Variants in CEP128 observed in about 807,000 individuals in gnomAD.
CEP128 encodes the protein centrosomal protein 128kDa.
In CEP128, 132 loss-of-function variants were observed where a neutral mutation model predicts 156.7. The observed-to-expected ratio is 0.84, with a 90% CI of 0.73 to 0.97. The LOEUF is 0.97. Ranked by LOEUF, CEP128 falls within the 50% of genes least tolerant of loss-of-function variation. CEP128 has a pLI of 0.00. For synonymous variants in CEP128, 469 were observed against 448.9 expected, an observed-to-expected ratio of 1.04 and a Z score of -0.57; for missense variants, 1,252 against 1,281.9, an observed-to-expected ratio of 0.98 and a Z score of 0.36.
At chr14:80,655,258 CTATTTA>C (rs1445026787) in intron 19 of CEP128, among the ~76,000 whole-genome samples, 7 of 152,152 alleles carry the variant, frequency 4.6e-5, no homozygotes, top group African/African-American at 1.7e-4. Flanking sequence ...CCATCCCTAT[CTATTTA>C]TATCTATCCA....
intron 2 of CEP128, among the ~76,000 whole-genome samples, chr14:80,921,374 GC>G (rs112933477): frequency 1.3e-5 from 2 of 152,174 alleles, no homozygotes; most frequent in African/African-American, 2.4e-5. Context: ...AGTATGCTTG[GC>G]CCCCTCACCA....
intron 19 of CEP128, among the ~76,000 whole-genome samples, chr14:80,724,930 T>C (rs1433585988): frequency 6.9e-6 from 1 of 145,420 alleles, no homozygotes; most frequent in Non-Finnish European, 1.5e-5. Flanking sequence ...ATTGGGCACC[T>C]ACTATATATA....
intron 23 of CEP128, among the ~76,000 whole-genome samples, chr14:80,516,224 T>TTC (rs1888481922): frequency 6.6e-6 from 1 of 152,042 alleles, no homozygotes; most frequent in South Asian, 2.1e-4. Context: ...ACAAAGAGGG[T>TTC]TCTCTTCTGA....
intron 13 of CEP128, among the ~76,000 whole-genome samples, chr14:80,818,272 A>G (rs1595450082): frequency 6.6e-6 from 1 of 151,834 alleles, no homozygotes; most frequent in African/African-American, 2.4e-5. Flanking sequence ...TCCCACCTCC[A>G]CCTCCCAAAG....
At chr14:80,562,933 G>A (rs1029984540) in intron 20 of CEP128, among the ~76,000 whole-genome samples, 4 of 151,526 alleles carry the variant, frequency 2.6e-5, no homozygotes, top group Non-Finnish European at 4.4e-5. Flanking sequence ...CCAAATGCTG[G>A]GATTACAGGC....
chr14:80,906,025 T>G lies in CEP128; in HGVS notation c.291A>C (p.Arg97Ser). The G allele has an allele frequency of 6.2e-7, 1 of 1,612,862 alleles. No individual in the cohort carries two copies. The highest frequency in any genetic ancestry group is 8.5e-7 in the Non-Finnish European group (1 of 1,179,414). ...IDQLRSQRLLRNSGGRSISVT... is the reference protein window; with the variant it reads ...IDQLRSQRLLSNSGGRSISVT... Reference sequence around the variant, plus strand: ...CAGAAATACTTCTCCCTCCTGAGTTTCTCAATAAACGTTGACTCCGGAGTT... The same window carrying G: ...CAGAAATACTTCTCCCTCCTGAGTTGCTCAATAAACGTTGACTCCGGAGTT... The change falls in exon 5 of 25, where the codon AGA becomes AGC. Residue 97 changes from arginine to serine, a missense_variant. Arg to Ser is a moderately radical substitution (Grantham distance 110). Coordinates refer to ENST00000555265, the MANE Select transcript of CEP128 (RefSeq NM_152446.5).
In CEP128 at chr14:80,786,623, A is replaced by T. The variant is rs542708739; in HGVS notation, c.1561-1078T>A. Among the ~76,000 whole-genome samples the T allele has an allele frequency of 4.0e-4, 61 of 152,304 alleles. 1 individual carries two copies. The South Asian group carries it at 0.012, about 30-fold the overall frequency. Reference sequence around the variant, plus strand: ...CTCTGACCAGAAAGAAGTGAATTTGATTTTCAGTTCAATCACGGGCAATTC... The same window carrying T: ...CTCTGACCAGAAAGAAGTGAATTTGTTTTTCAGTTCAATCACGGGCAATTC... On this transcript the variant is annotated intron_variant, in intron 14 of 24. Coordinates refer to ENST00000555265, the MANE Select transcript of CEP128 (RefSeq NM_152446.5).
At chr14:80,865,341 T>C (rs895805098) in intron 8 of CEP128, among the ~76,000 whole-genome samples, 1 of 152,224 alleles carries the variant, frequency 6.6e-6, no homozygotes, top group Non-Finnish European at 1.5e-5. Flanking sequence ...CTTTGGTCAA[T>C]AGATACTTAA....
intron 24 of CEP128, among the ~76,000 whole-genome samples, chr14:80,498,767 T>C (rs961086212): frequency 6.6e-6 from 1 of 152,190 alleles, no homozygotes; most frequent in East Asian, 1.9e-4. Context: ...TGTTTCTCCA[T>C]GACATCACCT....
At chr14:80,542,322 TCATAAACATA>T (rs1183240594) in intron 21 of CEP128, among the ~76,000 whole-genome samples, 1 of 152,174 alleles carries the variant, frequency 6.6e-6, no homozygotes, top group Non-Finnish European at 1.5e-5. Flanking sequence ...TAAAACCTTA[TCATAAACATA>T]CATAAAGATA....
At chr14:80,703,837 T>C (rs1044064725) in intron 19 of CEP128, among the ~76,000 whole-genome samples, 1 of 152,080 alleles carries the variant, frequency 6.6e-6, no homozygotes, top group Non-Finnish European at 1.5e-5. Flanking sequence ...AATTCTATCA[T>C]TTTATCACAT....
At chr14:80,571,439 T>C (rs1178123279) in intron 20 of CEP128, among the ~76,000 whole-genome samples, 1 of 152,218 alleles carries the variant, frequency 6.6e-6, no homozygotes, top group African/African-American at 2.4e-5. Flanking sequence ...AACATGCTAA[T>C]AAGCCTTCAC....
Position 80,650,988 on chromosome 14 carries a change from G to A in CEP128, c.2807-70565C>T, listed in dbSNP as rs561321842. ...CTATTGTTTGGAATAGTTTTACAAG[G>A]AATAGTACCAGCTCCTCTTTGTACC... On this transcript the variant is annotated intron_variant, in intron 19 of 24. Coordinates refer to ENST00000555265, the MANE Select transcript of CEP128 (RefSeq NM_152446.5). Among the ~76,000 whole-genome samples, 34 of 152,246 alleles carry A rather than the reference G, an allele frequency of 2.2e-4. No individual in the cohort carries two copies. In the South Asian group the frequency reaches 5.6e-3, roughly 25 times the overall value.
intron 19 of CEP128, among the ~76,000 whole-genome samples, chr14:80,700,828 T>C (rs188912786): frequency 1.8e-4 from 28 of 152,286 alleles, no homozygotes; most frequent in African/African-American, 6.3e-4. Flanking sequence ...GAAAATAATA[T>C]TGTTTCTTTA....
At chr14:80,580,605 C>A (rs1161455281) in intron 19 of CEP128, among the ~76,000 whole-genome samples, 182 bp from the exon 20 acceptor site, 2 of 152,124 alleles carry the variant, frequency 1.3e-5, no homozygotes, top group African/African-American at 4.8e-5. Context: ...CATGGCAGAG[C>A]GCGGGAGCCT....
At chr14:80,555,306 G>T (rs549492793) in intron 21 of CEP128, among the ~76,000 whole-genome samples, 1 of 152,048 alleles carries the variant, frequency 6.6e-6, no homozygotes, top group South Asian at 2.1e-4. Context: ...TGCTCTTATT[G>T]TCTTTCAGTT....
intron 20 of CEP128, among the ~76,000 whole-genome samples, chr14:80,565,598 C>T (rs8018483): frequency 0.57 from 86,098 of 152,008 alleles, 24,686 homozygotes; most frequent in East Asian, 0.72. Context: ...TTAAGCTGTA[C>T]ATATTCATTT....
At chr14:80,494,358 G>A (rs1348863817), downstream of CEP128, among the ~76,000 whole-genome samples, 1 of 152,256 alleles carries the variant, frequency 6.6e-6, no homozygotes, top group East Asian at 1.9e-4. Context: ...TTTGTCTGGG[G>A]AGGGGGTGTA....
At chr14:80,863,573 T>G (rs1887623537) in intron 8 of CEP128, among the ~76,000 whole-genome samples, 1 of 152,208 alleles carries the variant, frequency 6.6e-6, no homozygotes, top group Non-Finnish European at 1.5e-5. Context: ...ACATATCTCA[T>G]GTATTTCATT....
Sources: allele counts gnomAD v4.1 joint callset (sites outside exome capture counted in the v4.1 genomes callset), GRCh38; gene constraint gnomAD v4.1.1; transcripts MANE v1.5; gene names NCBI Gene and HGNC (gene_info 2026-07-23, HGNC 2026-07-21).